AXIN1: variants seen among roughly 807,000 people sequenced by gnomAD.
The protein encoded by AXIN1 is axin 1.
Under a neutral mutation model 76.4 loss-of-function variants are expected in AXIN1, and 30 were observed. The observed-to-expected ratio is 0.39, with a 90% confidence interval of 0.29 to 0.53. AXIN1 has a LOEUF of 0.53. Among genes scored for constraint, AXIN1 ranks in the 20% least tolerant of loss-of-function variants. AXIN1 has a pLI of 0.66. For synonymous variants in AXIN1, 545 were observed against 501.4 expected (o/e 1.09, Z -1.16); for missense variants, 1,140 against 1,198.8 (o/e 0.95, Z 0.72).
intron 2 of AXIN1, among the ~76,000 whole-genome samples, chr16:320,911 T>C (rs2053438182): frequency 6.6e-6 from 1 of 151,810 alleles, no homozygotes; most frequent in Non-Finnish European, 1.5e-5. Context: ...GGCTAATTTT[T>C]GTATTTTTAG....
At chr16:324,508 T>C (rs1263902201) in intron 2 of AXIN1, among the ~76,000 whole-genome samples, 22 of 152,246 alleles carry the variant, frequency 1.4e-4, no homozygotes. Flanking sequence ...ACCCGCCCAG[T>C]GTCCCGCAGA....
intron 1 of AXIN1, among the ~76,000 whole-genome samples, chr16:350,603 A>T (rs535393962): frequency 2.6e-4 from 40 of 152,154 alleles, no homozygotes; most frequent in Middle Eastern, 6.8e-3. Context: ...ACACAACACG[A>T]CTCTGACATC....
rs565103152 is a variant in AXIN1 at position 313,228 on chromosome 16, G to A, written c.1019+1315C>T. Among the ~76,000 whole-genome samples the A allele has an allele frequency of 2.6e-5, 4 of 152,314 alleles. 1 individual carries two copies. The highest frequency in any genetic ancestry group is 4.8e-5 in the African/African-American group (2 of 41,568). ...GCTGAGGCAGAATTGCTTGGGACCA[G>A]GAGACAGAAGCTACAGTAAGCCAAG... On this transcript the variant is annotated intron_variant, in intron 3 of 10. Coordinates refer to ENST00000262320, the MANE Select transcript of AXIN1 (RefSeq NM_003502.4).
At chr16:341,676 G>A (rs963223954) in intron 2 of AXIN1, among the ~76,000 whole-genome samples, 6 of 152,262 alleles carry the variant, frequency 3.9e-5, no homozygotes, top group East Asian at 1.9e-4. Context: ...ACCCCGGTGC[G>A]GGATCCACTG....
intron 7 of AXIN1, among the ~76,000 whole-genome samples, chr16:295,787 C>T (rs142833721): frequency 0.01 from 1,555 of 151,558 alleles, 26 homozygotes; most frequent in African/African-American, 0.036. Context: ...GCAACCACCC[C>T]CTGCCCCGGT....
chr16:346,115 G>A (rs2141699710), intron 2 of AXIN1, 33 bp downstream of exon 2: 2 of 1,605,082 alleles, frequency 1.2e-6, no homozygotes, highest in Middle Eastern at 1.7e-4. Flanking sequence ...TCGGAGGTGA[G>A]TACAGAAAGT....
intron 2 of AXIN1, among the ~76,000 whole-genome samples, chr16:342,053 G>T (rs1168152675): frequency 6.6e-6 from 1 of 152,252 alleles, no homozygotes; most frequent in Non-Finnish European, 1.5e-5. Flanking sequence ...GAGAATAAAA[G>T]CTGGCTGCGG....
chr16:352,426 CG>C lies in AXIN1; in HGVS notation c.-140del, dbSNP rs1215866165. The stretch of plus-strand genomic sequence containing the variant: ...GCTCCCGGAGCGGCGCGGCGCGGTC[CG>C]GGCCCATGCGCTCAGCGGCAGCGCG... On this transcript the variant is annotated 5_prime_UTR_variant, in exon 1 of 11. It introduces an in-frame stop codon into an upstream open reading frame of the 5' UTR. Transcript: ENST00000262320. 7 of 973,926 alleles carry C rather than the reference CG, an allele frequency of 7.2e-6. No homozygotes were observed. Among genetic ancestry groups the C allele is most frequent in the Non-Finnish European group, 8.5e-6 (7 of 822,818 alleles). The allele number at this position is 973,926 out of a possible 1,614,324, so 60.3% of individuals were successfully genotyped here.
chr16:320,737 A>T (rs1051580947), intron 2 of AXIN1, among the ~76,000 whole-genome samples: 950 of 89,488 alleles, frequency 0.011, 5 homozygotes, highest in African/African-American at 0.035. Flanking sequence ...ATATATATAT[A>T]TATATATTTT....
intron 2 of AXIN1, among the ~76,000 whole-genome samples, chr16:340,051 T>TTC (rs2053886083): frequency 6.6e-6 from 1 of 151,914 alleles, no homozygotes; most frequent in African/African-American, 2.4e-5. Flanking sequence ...TCTTCTTCTT[T>TTC]TTTTTTTTAA....
At chr16:348,798 T>G (rs550894562) in intron 1 of AXIN1, among the ~76,000 whole-genome samples, 1 of 151,880 alleles carries the variant, frequency 6.6e-6, no homozygotes, top group African/African-American at 2.4e-5. Flanking sequence ...AGCAAGATCC[T>G]GTCTCTAAAA....
In AXIN1 at chr16:335,500, G is replaced by A. The variant is rs111528132; in HGVS notation, c.878+10648C>T. Among the ~76,000 whole-genome samples, 1,307 of 150,556 alleles carry A rather than the reference G, an allele frequency of 8.7e-3. 18 individuals carry two copies. The highest frequency in any genetic ancestry group is 0.03 in the African/African-American group (1,243 of 40,886). On this transcript the variant is annotated intron_variant, in intron 2 of 10. Transcript: ENST00000262320. ...AACATAGCACTCAGTACCACAGCAC[G>A]CCAATAACACAGCACCCAGTACCAC... is the stretch of plus-strand genomic sequence containing the variant.
intron 2 of AXIN1, among the ~76,000 whole-genome samples, chr16:324,033 C>A (rs940269933): frequency 6.6e-6 from 1 of 152,178 alleles, no homozygotes; most frequent in Non-Finnish European, 1.5e-5. Context: ...CATGGGAAGC[C>A]CCGTAGCCCA....
chr16:342,575 G>A (rs182298335), intron 2 of AXIN1, among the ~76,000 whole-genome samples: 18 of 152,288 alleles, frequency 1.2e-4, no homozygotes, highest in Admixed American at 1.1e-3. Context: ...GGGAGCAGCC[G>A]TCTGTCTGGG....
intron 2 of AXIN1, among the ~76,000 whole-genome samples, chr16:319,835 G>C (rs1012617695): frequency 6.6e-6 from 1 of 152,164 alleles, no homozygotes; most frequent in Admixed American, 6.6e-5. Context: ...CTTTTAATGA[G>C]GCTGTCTGGT....
chr16:338,559 T>A (rs987884538), intron 2 of AXIN1, among the ~76,000 whole-genome samples: 1 of 152,392 alleles, frequency 6.6e-6, no homozygotes, highest in East Asian at 1.9e-4. Flanking sequence ...TGTCTGAGAC[T>A]ATGGAGCTTT....
Position 293,433 on chromosome 16 carries a change from G to A in AXIN1, c.2186+55C>T. ...CAGGCCTCGGGGAGCTTCAGCCCCA[G>A]GAGTGGTGCTGTGGTAACCCCCAAG... On this transcript the variant is annotated intron_variant, in intron 8 of 10. Transcript: ENST00000262320. The surrounding 1 kb of genome is among the most constrained non-coding windows in gnomAD (Gnocchi z 4.6). The A allele has an allele frequency of 6.5e-7, 1 of 1,548,192 alleles. No homozygotes were observed. Among genetic ancestry groups the A allele is most frequent in the South Asian group, 1.1e-5 (1 of 89,436 alleles).
In AXIN1 at chr16:293,663, C is replaced by G; in HGVS notation, c.2011G>C (p.Glu671Gln). ...PHENSRPLSL[E>Q]HPWAGPQLRT... ...AGCTGAGGGCCGGCCCAGGGGTGCT[C>G]AAGGGACAAGGGTCTGGAGTTCTCA... The change falls in exon 8 of 11, where the codon GAG becomes CAG. Residue 671 changes from glutamate (E) to glutamine (Q), a missense_variant. Glu to Gln is a conservative substitution (Grantham distance 29). Around this residue, in one of 3 missense-constraint regions of AXIN1, gnomAD observed 429 missense variants for 405.8 expected, o/e 1.06. Transcript: ENST00000262320. The surrounding 1 kb of genome is among the most constrained non-coding windows in gnomAD (Gnocchi z 4.6). 1 of 1,613,690 alleles carries G rather than the reference C, an allele frequency of 6.2e-7. No individual in the cohort carries two copies. The highest frequency in any genetic ancestry group is 8.5e-7 in the Non-Finnish European group (1 of 1,180,002).
intron 2 of AXIN1, among the ~76,000 whole-genome samples, chr16:320,483 A>G (rs563148887): frequency 2.0e-4 from 31 of 152,042 alleles, no homozygotes; most frequent in Non-Finnish European, 3.7e-4. Context: ...CAAAATTATG[A>G]TGCTTCGCTG....
Sources: gnomAD v4.1 joint callset for allele counts (sites outside exome capture counted in the v4.1 genomes callset) on GRCh38, gnomAD v4.1.1 for gene constraint, gnomAD v4.1.1 regional missense constraint, Gnocchi (gnomAD v3.1) non-coding constraint, MANE v1.5 for transcripts, NCBI Gene and HGNC (gene_info 2026-07-23, HGNC 2026-07-21) for gene names.